Variants in MYH10 observed in about 807,000 individuals in gnomAD.
The protein encoded by MYH10 is myosin-10.
Under a neutral mutation model 257.8 loss-of-function variants are expected in MYH10, and 55 were observed. The observed-to-expected ratio is 0.21, with a 90% CI of 0.17 to 0.27. The LOEUF (loss-of-function observed/expected upper bound fraction) is 0.27, where lower values mean the gene tolerates loss of function less well. MYH10 is among the 10% of genes least tolerant of loss of function. MYH10 has a pLI of 1.00. For synonymous variants in MYH10, 854 were observed against 921.7 expected (o/e 0.93, Z 1.33); for missense variants, 1,631 against 2,500.6 (o/e 0.65, Z 7.42).
Position 8,545,901 on chromosome 17 carries a change from C to T in MYH10, c.1279-301G>A, listed in dbSNP as rs2082428190. Among the ~76,000 whole-genome samples, 1 of 152,132 alleles carries T rather than the reference C, an allele frequency of 6.6e-6. No individual in the cohort carries two copies. Among genetic ancestry groups the T allele is most frequent in the African/African-American group, 2.4e-5 (1 of 41,436 alleles). Reference sequence around the variant, plus strand: ...CAGCTCAGTTAAGCTGGTACTTTCTCTCTGCTGTACCACCCAGCACAAGGA... The same window carrying T: ...CAGCTCAGTTAAGCTGGTACTTTCTTTCTGCTGTACCACCCAGCACAAGGA... On this transcript the variant is annotated intron_variant, in intron 12 of 42. Coordinates refer to ENST00000360416, the MANE Select transcript of MYH10 (RefSeq NM_001256012.3). This position sits in a 1 kb window ranked among gnomAD's most constrained non-coding sequence, Gnocchi z 4.7.
In MYH10 at chr17:8,490,573, G is replaced by C. The variant is rs761087448; in HGVS notation, c.4672-21C>G. ...TGAACCTAAACCACCGAAGCATCAGGAAAGAGTTGACCGGGGTGGAGGCAC... is the reference window on the plus strand; with the variant it reads ...TGAACCTAAACCACCGAAGCATCAGCAAAGAGTTGACCGGGGTGGAGGCAC... On this transcript the variant is annotated intron_variant, in intron 34 of 42. Transcript: ENST00000360416. The surrounding 1 kb of genome is among the most constrained non-coding windows in gnomAD (Gnocchi z 4.1). 1 of 1,610,434 alleles carries C rather than the reference G, an allele frequency of 6.2e-7. No individual in the cohort carries two copies. The highest frequency in any genetic ancestry group is 1.7e-5 in the Admixed American group (1 of 60,006).
rs183490120 is a variant in MYH10, at chr17:8,490,792, G to A, written c.4672-240C>T. Reference sequence around the variant, plus strand: ...TGTCTTTATTCCCACGTGTTCTCTGGTCATCCTCCTCTGATGACCTTTAAG... The same window carrying A: ...TGTCTTTATTCCCACGTGTTCTCTGATCATCCTCCTCTGATGACCTTTAAG... On this transcript the variant is annotated intron_variant, in intron 34 of 42. Transcript: ENST00000360416. This position sits in a 1 kb window ranked among gnomAD's most constrained non-coding sequence, Gnocchi z 4.1. 6.6e-6 allele frequency among the ~76,000 whole-genome samples: 1 copy of A among 152,216 alleles called. No individual in the cohort carries two copies. The highest frequency in any genetic ancestry group is 2.4e-5 in the African/African-American group (1 of 41,530).
Position 8,548,789 on chromosome 17 carries a change from T to G in MYH10, c.920-2A>C. ...TAAATCCTTCAAGAAGCAAATCAGC[T>G]AAAAGGAAATATAATGGAAGAAAAT... On this transcript the variant is annotated splice_acceptor_variant, in intron 9 of 42. Coordinates refer to ENST00000360416, the MANE Select transcript of MYH10 (RefSeq NM_001256012.3). LOFTEE classifies it high-confidence loss of function. 6.2e-7 allele frequency: 1 copy of G among 1,607,200 alleles called. No individual in the cohort carries two copies. Among genetic ancestry groups the G allele is most frequent in the Non-Finnish European group, 8.5e-7 (1 of 1,174,436 alleles).
chr17:8,479,614 G>C (rs987381997), intron 40 of MYH10, among the ~76,000 whole-genome samples: 16 of 152,208 alleles, frequency 1.1e-4, no homozygotes, highest in Non-Finnish European at 2.4e-4. Flanking sequence ...GGTCTGCCCT[G>C]GCTCTGGGCG....
intron 1 of MYH10, 135 bp from the exon 2 acceptor site, chr17:8,623,412 A>G: frequency 1.4e-6 from 1 of 735,654 alleles, no homozygotes. Context: ...ACCTCTTCAC[A>G]GCCATACTAA....
intron 3 of MYH10, among the ~76,000 whole-genome samples, chr17:8,598,364 T>C (rs1439062034): frequency 1.3e-5 from 2 of 152,250 alleles, no homozygotes; most frequent in African/African-American, 2.4e-5. Flanking sequence ...CAAACATTTG[T>C]CTAGTCTGTC....
intron 2 of MYH10, among the ~76,000 whole-genome samples, chr17:8,612,755 G>A (rs1311602287): frequency 6.6e-6 from 1 of 151,970 alleles, no homozygotes; most frequent in East Asian, 1.9e-4. Context: ...AGAGGCTGAG[G>A]CAGTGGAATT....
intron 17 of MYH10, among the ~76,000 whole-genome samples, chr17:8,521,955 G>C (rs2081667782): frequency 6.6e-6 from 1 of 152,162 alleles, no homozygotes; most frequent in Admixed American, 6.5e-5. Flanking sequence ...AAGCTTCCTA[G>C]GTGTTCAATG....
In MYH10 at chr17:8,569,331, C is replaced by T. The variant is rs572479997; in HGVS notation, c.756+389G>A. Among the ~76,000 whole-genome samples, 4 of 152,224 alleles carry T rather than the reference C, an allele frequency of 2.6e-5. No individual in the cohort carries two copies. The highest frequency in any genetic ancestry group is 2.1e-4 in the South Asian group (1 of 4,822). ...AAAGGTCAGTTTACCACATCTAATG[C>T]GTTGAATGTTTACTATGCATAGTGC... On this transcript the variant is annotated intron_variant, in intron 7 of 42. Transcript: ENST00000360416. The surrounding 1 kb of genome is among the most constrained non-coding windows in gnomAD (Gnocchi z 4.1).
At position 8,501,007 on chromosome 17, in the gene MYH10, GCTGA is replaced by G. The variant is rs548989811; in HGVS notation, c.3600-41_3600-38del. 2,929 of 1,576,710 alleles carry G rather than the reference GCTGA, an allele frequency of 1.9e-3. 53 individuals are homozygous for G. The African/African-American group carries it at 0.036, about 19-fold the overall frequency. The stretch of plus-strand genomic sequence containing the variant: ...CATTTTTTAAGAGAGATCAGAATTA[GCTGA>G]CTGATTAAAAACACATTTTCTTTTT... On this transcript the variant is annotated intron_variant, in intron 28 of 42. Transcript: ENST00000360416.
intron 14 of MYH10, among the ~76,000 whole-genome samples, chr17:8,536,313 C>A (rs989805566): frequency 1.3e-5 from 2 of 152,146 alleles, no homozygotes; most frequent in Non-Finnish European, 2.9e-5. Flanking sequence ...CATTATAACA[C>A]CTCAACTAAT....
At chr17:8,609,204 G>C (rs1264888164) in intron 2 of MYH10, among the ~76,000 whole-genome samples, 1 of 152,150 alleles carries the variant, frequency 6.6e-6, no homozygotes, top group Non-Finnish European at 1.5e-5. Context: ...AAGGATTAGA[G>C]AAACAGGAAG....
intron 34 of MYH10, among the ~76,000 whole-genome samples, chr17:8,491,841 A>G (rs1915820534): frequency 6.6e-6 from 1 of 152,230 alleles, no homozygotes; most frequent in African/African-American, 2.4e-5. Flanking sequence ...GCTGTGGATA[A>G]GCCCCCAAAG....
At chr17:8,511,530 C>CA (rs2081296592) in intron 24 of MYH10, among the ~76,000 whole-genome samples, 1 of 151,802 alleles carries the variant, frequency 6.6e-6, no homozygotes, top group Non-Finnish European at 1.5e-5. Context: ...AAAAACAGAA[C>CA]AAAAAAACAA....
At chr17:8,480,033 C>CG (rs2089664862) in intron 40 of MYH10, 77 bp downstream of exon 40, 6 of 1,481,358 alleles carry the variant, frequency 4.1e-6, no homozygotes, top group African/African-American at 1.4e-5. Flanking sequence ...GGAGCCCCCC[C>CG]GAAAGGGGCA....
intron 7 of MYH10, among the ~76,000 whole-genome samples, chr17:8,558,938 T>C (rs2082895683): frequency 6.6e-6 from 1 of 152,186 alleles, no homozygotes; most frequent in Non-Finnish European, 1.5e-5. Flanking sequence ...CAGGTACATA[T>C]TGGTACAGAA....
intron 3 of MYH10, among the ~76,000 whole-genome samples, chr17:8,596,403 C>A (rs1053694009): frequency 6.6e-6 from 1 of 152,158 alleles, no homozygotes; most frequent in African/African-American, 2.4e-5. Flanking sequence ...GATCCACCTG[C>A]CTCAGCCTCC....
In MYH10 at chr17:8,490,140, T is replaced by TGA. The variant is rs1239549638; in HGVS notation, c.4884+198_4884+199dup. The TGA allele has an allele frequency of 1.5e-5, 8 of 533,114 alleles. No individual in the cohort carries two copies. The African/African-American group carries it at 1.5e-4, about 10-fold the overall frequency. The allele number at this position is 533,114 out of a possible 1,614,324, so 33.0% of individuals were successfully genotyped here. On this transcript the variant is annotated intron_variant, in intron 35 of 42. Transcript: ENST00000360416. The surrounding 1 kb of genome is among the most constrained non-coding windows in gnomAD (Gnocchi z 4.1). ...TCTGGCTTGTAGGCAGGAATGATAC[T>TGA]GAGAAATAGTAAGACCTAAACTAAT...
chr17:8,627,415 A>G (rs1449867257), intron 1 of MYH10, among the ~76,000 whole-genome samples: 1 of 152,218 alleles, frequency 6.6e-6, no homozygotes, highest in East Asian at 1.9e-4. Context: ...CCCAAATGCC[A>G]TCCTTTCAGA....
Sources: allele counts gnomAD v4.1 joint callset (sites outside exome capture counted in the v4.1 genomes callset), GRCh38; gene constraint gnomAD v4.1.1; non-coding constraint Gnocchi (gnomAD v3.1); transcripts MANE v1.5; gene names NCBI Gene and HGNC (gene_info 2026-07-23, HGNC 2026-07-21).